Variants in NLGN1 observed in about 807,000 individuals in gnomAD.
NLGN1 encodes the protein neuroligin-1.
In NLGN1, 12 loss-of-function variants were observed where a neutral mutation model predicts 65.5. That is an observed-to-expected ratio of 0.18 (90% confidence interval 0.12 to 0.30). The LOEUF is 0.30. Ranked by LOEUF, NLGN1 falls within the 10% of genes least tolerant of loss-of-function variation. The pLI, the probability that NLGN1 is intolerant of heterozygous loss-of-function variation, is 1.00. For missense variants in NLGN1, 750 were observed against 1,007.1 expected, an observed-to-expected ratio of 0.74 and a Z score of 3.46; for synonymous variants, 350 against 359.5, an observed-to-expected ratio of 0.97 and a Z score of 0.30.
At chr3:173,836,306 G>A (rs1218803110) in intron 4 of NLGN1, among the ~76,000 whole-genome samples, 8 of 151,792 alleles carry the variant, frequency 5.3e-5, no homozygotes, top group South Asian at 2.1e-4. Context: ...AAAACATATT[G>A]GAGTTTTAAG....
At chr3:173,570,702 T>C (rs1559983453) in intron 2 of NLGN1, among the ~76,000 whole-genome samples, 1 of 152,146 alleles carries the variant, frequency 6.6e-6, no homozygotes, top group Non-Finnish European at 1.5e-5. Flanking sequence ...GTTTACAAAT[T>C]AAAGTGAATT....
At chr3:174,110,078 C>T (rs1344398137) in intron 4 of NLGN1, among the ~76,000 whole-genome samples, 1 of 151,892 alleles carries the variant, frequency 6.6e-6, no homozygotes, top group East Asian at 1.9e-4. Flanking sequence ...GAGTGGTATA[C>T]ACTTGATTTG....
At chr3:173,528,681 A>G (rs1736054637) in intron 2 of NLGN1, among the ~76,000 whole-genome samples, 1 of 152,156 alleles carries the variant, frequency 6.6e-6, no homozygotes, top group African/African-American at 2.4e-5. Context: ...GGTTAATTTG[A>G]AAGACCAATC....
chr3:174,176,885 G>C (rs1467964712), intron 4 of NLGN1, among the ~76,000 whole-genome samples: 2 of 151,934 alleles, frequency 1.3e-5, no homozygotes, highest in African/African-American at 4.8e-5. Context: ...GAACAAGTAG[G>C]GGCTGCCTCA....
chr3:173,408,409 A>G (rs750935652), intron 1 of NLGN1, among the ~76,000 whole-genome samples: 1 of 152,128 alleles, frequency 6.6e-6, no homozygotes. Context: ...TTCAAGAGAG[A>G]TGTATTCTTC....
At chr3:173,797,431 A>G (rs1466867608) in intron 3 of NLGN1, among the ~76,000 whole-genome samples, 2 of 152,098 alleles carry the variant, frequency 1.3e-5, no homozygotes, top group African/African-American at 2.4e-5. Context: ...GTCATCTAAT[A>G]ATAACGTTTT....
rs111992166 is a variant in NLGN1, at chr3:174,258,472, A to G, written c.647-16843A>G. ...GAAAAAGAAAATGTTCATAGTTTCAATGTATCTATATACTTTATACTTACC... is the reference window on the plus strand; with the variant it reads ...GAAAAAGAAAATGTTCATAGTTTCAGTGTATCTATATACTTTATACTTACC... On this transcript the variant is annotated intron_variant, in intron 4 of 6. Coordinates refer to ENST00000457714, the Ensembl canonical transcript of NLGN1. 6.7e-3 allele frequency among the ~76,000 whole-genome samples: 1,015 copies of G among 152,290 alleles called. 9 individuals carry two copies. Among genetic ancestry groups the G allele is most frequent in the African/African-American group, 0.022 (903 of 41,574 alleles).
At chr3:174,207,231 A>T (rs1352786796) in intron 4 of NLGN1, among the ~76,000 whole-genome samples, 2 of 150,260 alleles carry the variant, frequency 1.3e-5, no homozygotes, top group Non-Finnish European at 3.0e-5. Context: ...CAAGCATTGG[A>T]TACAAAAAGT....
intron 4 of NLGN1, among the ~76,000 whole-genome samples, chr3:174,128,377 A>G (rs1719408834): frequency 6.6e-6 from 1 of 152,206 alleles, no homozygotes; most frequent in Non-Finnish European, 1.5e-5. Context: ...TAGTAAAATA[A>G]TAATAGAAAA....
intron 4 of NLGN1, among the ~76,000 whole-genome samples, chr3:174,233,350 G>C (rs1389309859): frequency 6.6e-6 from 1 of 151,884 alleles, no homozygotes; most frequent in Admixed American, 6.6e-5. Flanking sequence ...GCTGGGAGTG[G>C]TGGCGCATGC....
chr3:174,035,161 A>C (rs780646428), intron 4 of NLGN1, among the ~76,000 whole-genome samples: 12 of 152,140 alleles, frequency 7.9e-5, no homozygotes, highest in Non-Finnish European at 1.5e-4. Context: ...ACAATTGGTG[A>C]GTGGTATTTA....
At chr3:173,732,681 G>A (rs1357161969) in intron 3 of NLGN1, among the ~76,000 whole-genome samples, 2 of 152,034 alleles carry the variant, frequency 1.3e-5, no homozygotes, top group Non-Finnish European at 2.9e-5. Flanking sequence ...TTGATTCAGT[G>A]ACCTAATTCT....
chr3:173,597,017 C>T (rs187438535), intron 2 of NLGN1, among the ~76,000 whole-genome samples: 3 of 152,274 alleles, frequency 2.0e-5, no homozygotes, highest in African/African-American at 7.2e-5. Context: ...AGTTTCAATA[C>T]CACACTCTTT....
intron 2 of NLGN1, among the ~76,000 whole-genome samples, chr3:173,503,899 T>C (rs187181827): frequency 2.0e-5 from 3 of 152,216 alleles, no homozygotes; most frequent in Admixed American, 2.0e-4. Flanking sequence ...CTGGGATTTT[T>C]TTTTCTTTTC....
intron 1 of NLGN1, among the ~76,000 whole-genome samples, chr3:173,415,721 G>C (rs921830721): frequency 6.6e-6 from 1 of 152,006 alleles, no homozygotes; most frequent in Non-Finnish European, 1.5e-5. Flanking sequence ...GTATAGCAGA[G>C]AAAAAGGTAA....
chr3:173,670,669 A>G (rs1255209567), intron 3 of NLGN1, among the ~76,000 whole-genome samples: 1 of 152,134 alleles, frequency 6.6e-6, no homozygotes, highest in African/African-American at 2.4e-5. Context: ...GTTCTTTGCT[A>G]ATTTATCAAA....
At chr3:174,275,595 A>ATGCTC in intron 5 of NLGN1, 68 bp downstream of exon 5, 2 of 881,352 alleles carry the variant, frequency 2.3e-6, no homozygotes, top group African/African-American at 1.6e-5. Context: ...GTAGTATGTG[A>ATGCTC]TGCTCTGTAT....
At chr3:173,923,283 T>C (rs1021461245) in intron 4 of NLGN1, among the ~76,000 whole-genome samples, 1 of 152,086 alleles carries the variant, frequency 6.6e-6, no homozygotes, top group East Asian at 1.9e-4. Context: ...TTGTGGTAAT[T>C]GTTTTCTTCG....
intron 3 of NLGN1, among the ~76,000 whole-genome samples, chr3:173,801,290 A>C (rs1334645505): frequency 1.3e-5 from 2 of 151,996 alleles, no homozygotes; most frequent in African/African-American, 4.8e-5. Context: ...AAGTGAGCTC[A>C]TCTTTTTTGG....
Sources: gnomAD v4.1 joint callset for allele counts (sites outside exome capture counted in the v4.1 genomes callset) on GRCh38, gnomAD v4.1.1 for gene constraint, MANE v1.5 for transcripts, NCBI Gene and HGNC (gene_info 2026-07-23, HGNC 2026-07-21) for gene names.